The following RNF130 variants were observed in gnomAD, a reference collection of about 807,000 sequenced individuals.
RNF130 encodes the protein ring finger protein 130.
In RNF130, 21 loss-of-function variants were observed where a neutral mutation model predicts 44.6. The ratio of observed to expected loss-of-function variants is 0.47; its 90% CI spans 0.33 to 0.68. The LOEUF (loss-of-function observed/expected upper bound fraction) is 0.68, where lower values mean the gene tolerates loss of function less well. RNF130 is among the 30% of genes least tolerant of loss of function. The pLI is 0.02. For synonymous variants in RNF130, 214 were observed against 210.4 expected (o/e 1.02, Z -0.15); for missense variants, 479 against 560.6 (o/e 0.85, Z 1.47).
chr5:179,953,301 C>T (rs926586571), downstream of RNF130, among the ~76,000 whole-genome samples: 8 of 150,860 alleles, frequency 5.3e-5, no homozygotes, highest in African/African-American at 2.0e-4. Context: ...CTATAAAATC[C>T]TAGCTTTTTT....
downstream of RNF130, among the ~76,000 whole-genome samples, chr5:179,954,650 CTG>C (rs1231440348): frequency 6.6e-6 from 1 of 152,188 alleles, no homozygotes; most frequent in African/African-American, 2.4e-5. Context: ...GGTTGCACAA[CTG>C]TGTGACTATA....
At chr5:179,920,990 T>G (rs1761623120) in intron 7 of RNF130, among the ~76,000 whole-genome samples, 1 of 152,018 alleles carries the variant, frequency 6.6e-6, no homozygotes, top group Non-Finnish European at 1.5e-5. Context: ...GCACATACTT[T>G]CCATTGCCCC....
At chr5:179,999,946 G>T (rs1042715664) in intron 3 of RNF130, among the ~76,000 whole-genome samples, 1 of 152,016 alleles carries the variant, frequency 6.6e-6, no homozygotes, top group African/African-American at 2.4e-5. Context: ...CTCTCCTATT[G>T]TTTATCATTA....
chr5:180,061,093 A>AAAG, intron 1 of RNF130, among the ~76,000 whole-genome samples: 1 of 149,700 alleles, frequency 6.7e-6, no homozygotes, highest in African/African-American at 2.4e-5. Flanking sequence ...AAAAAAAAAA[A>AAAG]GCTATGTTCA....
intron 3 of RNF130, among the ~76,000 whole-genome samples, chr5:179,990,185 A>G (rs857184): frequency 0.63 from 95,897 of 151,984 alleles, 31,104 homozygotes; most frequent in African/African-American, 0.79. Flanking sequence ...GCCTGGCTGC[A>G]CTGTTATTTA....
At chr5:179,984,714 T>A (rs1225816895) in intron 3 of RNF130, among the ~76,000 whole-genome samples, 1 of 152,312 alleles carries the variant, frequency 6.6e-6, no homozygotes, top group East Asian at 1.9e-4. Context: ...GTAGTAGTTC[T>A]GTCTAGTTTT....
At chr5:179,948,513 A>G (rs1253211514) in intron 7 of RNF130, among the ~76,000 whole-genome samples, 1 of 152,166 alleles carries the variant, frequency 6.6e-6, no homozygotes, top group African/African-American at 2.4e-5. Context: ...TCTACTAAAA[A>G]TACAAAAATT....
At chr5:179,928,265 G>A (rs978671904) in intron 7 of RNF130, among the ~76,000 whole-genome samples, 1 of 152,138 alleles carries the variant, frequency 6.6e-6, no homozygotes, top group African/African-American at 2.4e-5. Context: ...GCAGACACTG[G>A]CCATGTTCCA....
At chr5:180,007,997 T>TG (rs1763501743) in intron 3 of RNF130, among the ~76,000 whole-genome samples, 1 of 150,792 alleles carries the variant, frequency 6.6e-6, no homozygotes, top group Admixed American at 6.6e-5. Flanking sequence ...AGTTTTTTTT[T>TG]TTTTTTTTTT....
At chr5:179,962,880 G>A (rs1013204834) in intron 8 of RNF130, among the ~76,000 whole-genome samples, 2 of 152,072 alleles carry the variant, frequency 1.3e-5, no homozygotes, top group African/African-American at 4.8e-5. Flanking sequence ...TTTTACCGAC[G>A]TGAAGCCTGC....
intron 1 of RNF130, among the ~76,000 whole-genome samples, chr5:180,068,270 G>A (rs1337743826): frequency 2.0e-5 from 3 of 152,118 alleles, no homozygotes. Context: ...GCTCCGCAAA[G>A]GTACTAAATA....
At chr5:179,992,979 G>C (rs907396246) in intron 3 of RNF130, among the ~76,000 whole-genome samples, 26 of 152,214 alleles carry the variant, frequency 1.7e-4, no homozygotes, top group Admixed American at 1.6e-3. Flanking sequence ...GTGGTGTTTG[G>C]TTTTCTGTCC....
intron 7 of RNF130, among the ~76,000 whole-genome samples, chr5:179,929,701 T>C (rs1196776641): frequency 6.6e-6 from 1 of 152,030 alleles, no homozygotes; most frequent in Non-Finnish European, 1.5e-5. Context: ...TGAGCCATGA[T>C]TGTGCCACTG....
intron 2 of RNF130, among the ~76,000 whole-genome samples, chr5:180,026,916 A>G (rs1266773652): frequency 6.6e-6 from 1 of 152,236 alleles, no homozygotes; most frequent in Non-Finnish European, 1.5e-5. Flanking sequence ...TATGCAAAGA[A>G]TGACCACATG....
At chr5:179,951,389 G>GT (rs59639284), downstream of RNF130, among the ~76,000 whole-genome samples, 87,359 of 146,772 alleles carry the variant, frequency 0.6, 26,287 homozygotes, top group Middle Eastern at 0.76. Context: ...ATAGGTTTTT[G>GT]TTTTTTTTTT....
intron 7 of RNF130, among the ~76,000 whole-genome samples, chr5:179,930,280 A>T (rs1029913473): frequency 8.6e-5 from 13 of 151,364 alleles, no homozygotes; most frequent in Non-Finnish European, 8.8e-5. Flanking sequence ...CTGATCTCGA[A>T]CTCCTGACCT....
At chr5:179,953,802 T>C (rs1762161244), downstream of RNF130, among the ~76,000 whole-genome samples, 1 of 152,196 alleles carries the variant, frequency 6.6e-6, no homozygotes, top group South Asian at 2.1e-4. Flanking sequence ...TGAAAGACAC[T>C]ACCAAGAAAG....
intron 3 of RNF130, among the ~76,000 whole-genome samples, chr5:180,002,326 A>G (rs1487120315): frequency 6.6e-6 from 1 of 152,212 alleles, no homozygotes; most frequent in East Asian, 1.9e-4. Context: ...CAGAGCCAAC[A>G]GTTGCTCCCA....
At chr5:180,066,820 G>C (rs1329292187) in intron 1 of RNF130, among the ~76,000 whole-genome samples, 1 of 151,868 alleles carries the variant, frequency 6.6e-6, no homozygotes, top group Non-Finnish European at 1.5e-5. Context: ...CAACAAGAGC[G>C]AAACTCTGTC....
Sources: gnomAD v4.1 joint callset for allele counts (sites outside exome capture counted in the v4.1 genomes callset) on GRCh38, gnomAD v4.1.1 for gene constraint, MANE v1.5 for transcripts, NCBI Gene and HGNC (gene_info 2026-07-23, HGNC 2026-07-21) for gene names.